SUN1: variants seen among roughly 807,000 people sequenced by gnomAD.
The protein encoded by SUN1 is Sad1 and UNC84 domain containing 1.
A neutral mutation model predicts 103.2 loss-of-function variants in SUN1; 61 were observed. The ratio of observed to expected loss-of-function variants is 0.59; its 90% CI spans 0.48 to 0.73. The LOEUF (loss-of-function observed/expected upper bound fraction) is 0.73, where lower values mean the gene tolerates loss of function less well. SUN1 is among the 30% of genes least tolerant of loss of function. SUN1 has a pLI of 0.00. For synonymous variants in SUN1, 490 were observed against 425.7 expected, an observed-to-expected ratio of 1.15 and a Z score of -1.86; for missense variants, 1,052 against 1,034.6, an observed-to-expected ratio of 1.02 and a Z score of -0.23.
rs996317061 is a variant in SUN1, at chr7:856,527, A to T, written c.1394+126A>T. 7 of 1,048,560 alleles carry T rather than the reference A, an allele frequency of 6.7e-6. No individual in the cohort carries two copies. The South Asian group carries it at 9.9e-5, about 15-fold the overall frequency. The allele number at this position is 1,048,560 out of a possible 1,614,324, so 65.0% of individuals were successfully genotyped here. A position where few individuals can be genotyped will look rare whatever the true frequency, so the allele number is the denominator to read the frequency against. On this transcript the variant is annotated intron_variant, in intron 12 of 18. Transcript: ENST00000401592. ...CCCCGAGGGTCACCTGAAGGCCCTG[A>T]GGTTCGTGCCGACAGACACTCCTGC...
intron 6 of SUN1, 55 bp downstream of exon 6, chr7:851,537 C>T: frequency 7.3e-7 from 1 of 1,378,570 alleles, no homozygotes; most frequent in Non-Finnish European, 9.7e-7. Context: ...GGCAGCTAAG[C>T]ACCTGCACTC....
At chr7:851,529 C>A in intron 6 of SUN1, 47 bp downstream of exon 6, 1 of 1,467,480 alleles carries the variant, frequency 6.8e-7, no homozygotes, top group Non-Finnish European at 9.2e-7. Context: ...GAGCTTCTGG[C>A]AGCTAAGCAC....
chr7:843,617 G>T (rs1262782999), intron 5 of SUN1, 97 bp downstream of exon 5: 1 of 1,605,860 alleles, frequency 6.2e-7, no homozygotes, highest in Non-Finnish European at 8.5e-7. Context: ...TTGTCTTGGA[G>T]ACTTAAAATT....
chr7:841,903 G>A (rs1383675079), intron 2 of SUN1, 43 bp from the exon 3 acceptor site: 1 of 1,592,834 alleles, frequency 6.3e-7, no homozygotes, highest in Non-Finnish European at 8.6e-7. Context: ...TTTTGTATTT[G>A]CTAGAAAAGA....
intron 5 of SUN1, among the ~76,000 whole-genome samples, chr7:845,049 C>T (rs1258082640): frequency 6.6e-6 from 1 of 152,234 alleles, no homozygotes; most frequent in East Asian, 1.9e-4. Flanking sequence ...AATAAAAGCA[C>T]ATTCCATACA....
At chr7:867,279 A>G (rs1837758537) in intron 16 of SUN1, among the ~76,000 whole-genome samples, 1 of 152,248 alleles carries the variant, frequency 6.6e-6, no homozygotes, top group Non-Finnish European at 1.5e-5. Flanking sequence ...TGCTGCCACG[A>G]AGCCACACAG....
chr7:846,216 C>G (rs1815543960), intron 5 of SUN1, among the ~76,000 whole-genome samples: 1 of 151,784 alleles, frequency 6.6e-6, no homozygotes, highest in South Asian at 2.1e-4. Flanking sequence ...TCAAGCGATT[C>G]TCCTGCCTCA....
chr7:873,434 A>G lies in SUN1; in HGVS notation c.*103A>G, dbSNP rs1842991196. 10 of 1,102,548 alleles carry G rather than the reference A, an allele frequency of 9.1e-6. No homozygotes were observed. Among genetic ancestry groups the G allele is most frequent in the Non-Finnish European group, 1.2e-5 (9 of 747,948 alleles). The allele number at this position is 1,102,548 out of a possible 1,614,324, so 68.3% of individuals were successfully genotyped here. On this transcript the variant is annotated 3_prime_UTR_variant, in exon 19 of 19. Coordinates refer to ENST00000401592, the MANE Select transcript of SUN1 (RefSeq NM_001130965.3). ...GCATATACAATGATGGGACAGTGCC[A>G]CACTCCTTCAATAAACGTGGCTGCT...
chr7:838,094 C>T (rs1425774135), intron 1 of SUN1, among the ~76,000 whole-genome samples: 1 of 152,158 alleles, frequency 6.6e-6, no homozygotes, highest in East Asian at 1.9e-4. Flanking sequence ...GCTCTGTTGC[C>T]CAGGCTGAAG....
rs1351297212 is a variant in SUN1 at position 873,925 on chromosome 7, AG to A, written c.*596del. On this transcript the variant is annotated 3_prime_UTR_variant, in exon 19 of 19. Coordinates refer to ENST00000401592, the MANE Select transcript of SUN1 (RefSeq NM_001130965.3). The stretch of plus-strand genomic sequence containing the variant: ...TTACTTCTGAGGAAGGTTTCCAGTC[AG>A]GACTCGCTGTACCAATATCCATGGA... 6.6e-6 allele frequency: 1 copy of A among 152,588 alleles called. No individual in the cohort carries two copies. The highest frequency in any genetic ancestry group is 2.4e-5 in the African/African-American group (1 of 41,446). The allele number at this position is 152,588 out of a possible 1,614,324, so 9.5% of individuals were successfully genotyped here.
At chr7:852,720 G>A in intron 8 of SUN1, 53 bp downstream of exon 8, 3 of 1,613,874 alleles carry the variant, frequency 1.9e-6, no homozygotes, top group South Asian at 1.1e-5. Context: ...ACACACATAT[G>A]TGTAACTTAG....
intron 1 of SUN1, among the ~76,000 whole-genome samples, chr7:835,935 G>A (rs958523142): frequency 6.6e-6 from 1 of 152,250 alleles, no homozygotes; most frequent in African/African-American, 2.4e-5. Flanking sequence ...AAAGAAGAGA[G>A]TTTCCAGAAT....
chr7:866,901 T>C (rs761830145), intron 16 of SUN1, among the ~76,000 whole-genome samples: 13 of 151,940 alleles, frequency 8.6e-5, no homozygotes, highest in Non-Finnish European at 1.8e-4. Context: ...TGTACAAGTT[T>C]AAAGCACTAA....
chr7:845,058 C>T (rs1814052056), intron 5 of SUN1, among the ~76,000 whole-genome samples: 1 of 152,208 alleles, frequency 6.6e-6, no homozygotes, highest in Admixed American at 6.5e-5. Flanking sequence ...ACATTCCATA[C>T]ACTCTACTAT....
chr7:835,066 G>A (rs1227646086), intron 1 of SUN1, among the ~76,000 whole-genome samples: 1 of 152,156 alleles, frequency 6.6e-6, no homozygotes, highest in Non-Finnish European at 1.5e-5. Flanking sequence ...ACGGTGTGAG[G>A]CTCTGTCTCA....
At chr7:818,285 A>C (rs1782747218) in intron 1 of SUN1, among the ~76,000 whole-genome samples, 1 of 152,218 alleles carries the variant, frequency 6.6e-6, no homozygotes, top group Non-Finnish European at 1.5e-5. Context: ...ATGGAATCAT[A>C]CAATATGCAG....
At position 851,982 on chromosome 7, in the gene SUN1, G is replaced by C; in HGVS notation, c.790G>C (p.Gly264Arg). The change falls in exon 7 of 19, where the codon GGG (glycine) becomes CGG (arginine). Residue 264 changes from glycine to arginine, a missense_variant. Physicochemically the swap from Gly to Arg is moderately radical, Grantham distance 125. Transcript: ENST00000401592. The stretch of plus-strand genomic sequence containing the variant: ...AGCCTCTGGAGTGTTCTGGTGGCTG[G>C]GGATTGGATGGTACCAGTTTGTTAC... The part of the protein sequence containing the change: ...KAASGVFWWL[G>R]IGWYQFVTLI... 1 of 1,614,102 alleles carries C rather than the reference G, an allele frequency of 6.2e-7. No homozygotes were observed.
chr7:870,228 AGTTGAGACAGTAGTGTTTATG>A (rs1840516106), intron 17 of SUN1, among the ~76,000 whole-genome samples: 1 of 148,010 alleles, frequency 6.8e-6, no homozygotes, highest in African/African-American at 2.5e-5. Flanking sequence ...AAAAAATTAC[AGTTGAGACAGTAGTGTTTATG>A]AAGCTTTAAA....
At chr7:824,618 G>A (rs1789607048) in intron 1 of SUN1, among the ~76,000 whole-genome samples, 1 of 152,196 alleles carries the variant, frequency 6.6e-6, no homozygotes, top group Non-Finnish European at 1.5e-5. Context: ...AAAAGATTCA[G>A]TGCCCTTATG....
Sources: gnomAD v4.1 joint callset for allele counts (sites outside exome capture counted in the v4.1 genomes callset) on GRCh38, gnomAD v4.1.1 for gene constraint, MANE v1.5 for transcripts, NCBI Gene and HGNC (gene_info 2026-07-23, HGNC 2026-07-21) for gene names.